The following TTBK1 variants were observed in gnomAD, a reference collection of about 807,000 sequenced individuals.
TTBK1 encodes the protein tau-tubulin kinase 1.
A neutral mutation model predicts 108.5 loss-of-function variants in TTBK1; 34 were observed. That is an observed-to-expected ratio of 0.31 (90% CI 0.24 to 0.42). TTBK1 has a LOEUF of 0.42. TTBK1 is among the 10% of genes least tolerant of loss of function. TTBK1 has a pLI of 1.00. For synonymous variants in TTBK1, 809 were observed against 795.1 expected, an observed-to-expected ratio of 1.02 and a Z score of -0.29; for missense variants, 1,539 against 1,826.0, an observed-to-expected ratio of 0.84 and a Z score of 2.86.
In TTBK1 at chr6:43,269,982, G is replaced by GT. The variant is rs1219005175; in HGVS notation, c.1986+6633dup. ...GCCCCCCCCCTCCTGGAGGGGGCAG[G>GT]TGGGGGGGGGTGGGGAGCAGGCAGA... is the stretch of plus-strand genomic sequence containing the variant. On this transcript the variant is annotated intron_variant, in intron 13 of 14. Coordinates refer to ENST00000259750, the MANE Select transcript of TTBK1 (RefSeq NM_032538.3). The surrounding 1 kb of genome is among the most constrained non-coding windows in gnomAD (Gnocchi z 4.8). 19 of 1,430,132 alleles carry GT rather than the reference G, an allele frequency of 1.3e-5. No homozygotes were observed. In the East Asian group the frequency reaches 1.5e-4, roughly 12 times the overall value. The allele number at this position is 1,430,132 out of a possible 1,614,324, so 88.6% of individuals were successfully genotyped here.
At chr6:43,245,610 C>T (rs1777064844) in intron 1 of TTBK1, among the ~76,000 whole-genome samples, 1 of 152,186 alleles carries the variant, frequency 6.6e-6, no homozygotes, top group African/African-American at 2.4e-5. Context: ...CACAGACATA[C>T]ACACACGCAC....
intron 13 of TTBK1, among the ~76,000 whole-genome samples, chr6:43,279,974 G>T (rs2150711691): frequency 7.1e-6 from 1 of 140,642 alleles, no homozygotes; most frequent in Non-Finnish European, 1.6e-5. Context: ...GGGGACCCTA[G>T]CAACCCTGTT....
intron 13 of TTBK1, among the ~76,000 whole-genome samples, chr6:43,274,879 G>A (rs1582510797): frequency 6.6e-6 from 1 of 152,122 alleles, no homozygotes; most frequent in African/African-American, 2.4e-5. Context: ...CAAATGAGGG[G>A]TGGGGAAGGG....
Position 43,249,487 on chromosome 6 carries a change from T to G in TTBK1, c.108+2719T>G, listed in dbSNP as rs191690333. Among the ~76,000 whole-genome samples, 41 of 152,306 alleles carry G rather than the reference T, an allele frequency of 2.7e-4. No individual in the cohort carries two copies. The East Asian group carries it at 7.9e-3, about 29-fold the overall frequency. ...AGTACTTAAAATTGTATTTTATGAC[T>G]GCATTGGTATAAAGAGGAATATATT... On this transcript the variant is annotated intron_variant, in intron 2 of 14. Coordinates refer to ENST00000259750, the MANE Select transcript of TTBK1 (RefSeq NM_032538.3).
intron 13 of TTBK1, among the ~76,000 whole-genome samples, chr6:43,274,287 T>C (rs200793368): frequency 6.6e-6 from 1 of 152,136 alleles, no homozygotes; most frequent in South Asian, 2.1e-4. Flanking sequence ...CCCTGCCTAG[T>C]GGGTGGGGGA....
In TTBK1 at chr6:43,257,888, C is replaced by G; in HGVS notation, c.938C>G (p.Ala313Gly). 1 of 1,614,002 alleles carries G rather than the reference C, an allele frequency of 6.2e-7. No homozygotes were observed. Among genetic ancestry groups the G allele is most frequent in the South Asian group, 1.1e-5 (1 of 91,072 alleles). ...AENEAFDWEKAGTDALLSTST... is the reference protein window; with the variant it reads ...AENEAFDWEKGGTDALLSTST... Reference sequence around the variant, plus strand: ...AATGAGGCCTTTGACTGGGAGAAGGCAGGCACCGATGCCCTCCTGTCCACG... The same window carrying G: ...AATGAGGCCTTTGACTGGGAGAAGGGAGGCACCGATGCCCTCCTGTCCACG... The change falls in exon 10 of 15, where the codon GCA becomes GGA. Residue 313 changes from alanine (A) to glycine (G), a missense_variant. Physicochemically the swap from Ala to Gly is moderately conservative, Grantham distance 60. Coordinates refer to ENST00000259750, the MANE Select transcript of TTBK1 (RefSeq NM_032538.3). This position sits in a 1 kb window ranked among gnomAD's most constrained non-coding sequence, Gnocchi z 4.5.
chr6:43,261,878 A>G (rs557028225), intron 12 of TTBK1, among the ~76,000 whole-genome samples: 20 of 152,016 alleles, frequency 1.3e-4, no homozygotes, highest in African/African-American at 4.8e-4. Context: ...CCCTTGGGGT[A>G]AAGTCAGATG....
At chr6:43,255,514 C>T in intron 7 of TTBK1, 38 bp from the exon 8 acceptor site, 5 of 1,545,494 alleles carry the variant, frequency 3.2e-6, no homozygotes, top group Non-Finnish European at 4.4e-6. Context: ...CAGGGAAGGA[C>T]CTGAGAGCTG....
At position 43,282,886 on chromosome 6, in the gene TTBK1, A is replaced by C. The variant is rs1582522586; in HGVS notation, c.2146A>C (p.Thr716Pro). 6.2e-7 allele frequency: 1 copy of C among 1,613,804 alleles called. No homozygotes were observed. Among genetic ancestry groups the C allele is most frequent in the Non-Finnish European group, 8.5e-7 (1 of 1,179,924 alleles). ...RRVGFSHMLL[T>P]TPQVPLAPVQ... The stretch of plus-strand genomic sequence containing the variant: ...GGTGGGCTTCTCGCACATGCTGCTC[A>C]CCACCCCCCAGGTCCCACTGGCTCC... Residue 716 changes from threonine (T) to proline (P), a missense_variant, in exon 14 of 15, where the codon ACC becomes CCC. Physicochemically the swap from Thr to Pro is conservative, Grantham distance 38. Coordinates refer to ENST00000259750, the MANE Select transcript of TTBK1 (RefSeq NM_032538.3). This position sits in a 1 kb window ranked among gnomAD's most constrained non-coding sequence, Gnocchi z 5.4.
chr6:43,281,511 G>A (rs1778161436), intron 13 of TTBK1, among the ~76,000 whole-genome samples: 1 of 152,198 alleles, frequency 6.6e-6, no homozygotes, highest in Non-Finnish European at 1.5e-5. Context: ...ATGGACGGCA[G>A]TGCAGAATGG....
intron 13 of TTBK1, among the ~76,000 whole-genome samples, chr6:43,274,121 T>C (rs1221498070): frequency 6.6e-6 from 1 of 152,164 alleles, no homozygotes; most frequent in African/African-American, 2.4e-5. Context: ...CCGTGACAAA[T>C]GCGCTAGTAA....
Position 43,273,211 on chromosome 6 carries a change from CAG to C in TTBK1, c.1987-9513_1987-9512del, listed in dbSNP as rs1284928829. 1.3e-5 allele frequency among the ~76,000 whole-genome samples: 2 copies of C among 152,194 alleles called. No homozygotes were observed. The highest frequency in any genetic ancestry group is 2.1e-4 in the South Asian group (1 of 4,836). On this transcript the variant is annotated intron_variant, in intron 13 of 14. Coordinates refer to ENST00000259750, the MANE Select transcript of TTBK1 (RefSeq NM_032538.3). This position sits in a 1 kb window ranked among gnomAD's most constrained non-coding sequence, Gnocchi z 4.2. ...CCGAATAATCTGAGGTCTTGTTTGA[CAG>C]AGTTTGTGAAACATCTTGGTCTATG...
Position 43,265,437 on chromosome 6 carries a change from G to C in TTBK1, c.1986+2087G>C, listed in dbSNP as rs372197835. On this transcript the variant is annotated intron_variant, in intron 13 of 14. Coordinates refer to ENST00000259750, the MANE Select transcript of TTBK1 (RefSeq NM_032538.3). This position sits in a 1 kb window ranked among gnomAD's most constrained non-coding sequence, Gnocchi z 4.1. ...GGCCTTGCCTGGACACTGGAAACTG[G>C]GGGCTCAAAAAGTGGGGCCCGTGAG... Among the ~76,000 whole-genome samples, 1 of 152,202 alleles carries C rather than the reference G, an allele frequency of 6.6e-6. No homozygotes were observed. The highest frequency in any genetic ancestry group is 1.5e-5 in the Non-Finnish European group (1 of 68,030).
rs578249848 is a variant in TTBK1 at position 43,282,827 on chromosome 6, G to A, written c.2087G>A (p.Arg696Gln). 51 of 1,614,066 alleles carry A rather than the reference G, an allele frequency of 3.2e-5. No individual in the cohort carries two copies. The Admixed American group carries it at 6.2e-4, about 20-fold the overall frequency. The part of the protein sequence containing the change: ...QDFKRDLSDY[R>Q]ERARLLNRVR... ...TTCAAAAGAGACCTCTCCGATTACC[G>A]AGAACGGGCGCGGTTGCTCAACAGG... The change falls in exon 14 of 15, where the codon CGA becomes CAA. Residue 696 changes from arginine (R) to glutamine (Q), a missense_variant. This residue lies in a region of TTBK1 where 1,055 missense variants were observed against 1,086.5 expected (regional missense o/e 0.97). Coordinates refer to ENST00000259750, the MANE Select transcript of TTBK1 (RefSeq NM_032538.3). This position sits in a 1 kb window ranked among gnomAD's most constrained non-coding sequence, Gnocchi z 5.4.
rs936426448 is a variant in TTBK1 at position 43,282,282 on chromosome 6, C to T, written c.1987-445C>T. Among the ~76,000 whole-genome samples the T allele has an allele frequency of 1.3e-5, 2 of 152,212 alleles. No individual in the cohort carries two copies. Among genetic ancestry groups the T allele is most frequent in the Non-Finnish European group, 2.9e-5 (2 of 68,040 alleles). On this transcript the variant is annotated intron_variant, in intron 13 of 14. Transcript: ENST00000259750. The surrounding 1 kb of genome is among the most constrained non-coding windows in gnomAD (Gnocchi z 5.4). ...TCCAGGAAGTGGCACAGATACTTGC[C>T]GCCGTCTCTGGACCTGGCTTTCTCA... is the stretch of plus-strand genomic sequence containing the variant.
intron 13 of TTBK1, among the ~76,000 whole-genome samples, chr6:43,264,195 A>G (rs1777619334): frequency 2.6e-5 from 4 of 152,154 alleles, no homozygotes; most frequent in African/African-American, 9.7e-5. Flanking sequence ...CAGCCTGGCC[A>G]ACATGGTGAA....
At chr6:43,249,208 G>T (rs560807306) in intron 2 of TTBK1, among the ~76,000 whole-genome samples, 2 of 152,152 alleles carry the variant, frequency 1.3e-5, no homozygotes, top group African/African-American at 4.8e-5. Flanking sequence ...AAGAGTGGAG[G>T]CTCAGAGAGT....
chr6:43,283,782 G>A lies in TTBK1; in HGVS notation c.3042G>A (p.Leu1014=). Residue 1014 remains leucine, a synonymous_variant, in exon 14 of 15, where the codon CTG becomes CTA. Transcript: ENST00000259750. The surrounding 1 kb of genome is among the most constrained non-coding windows in gnomAD (Gnocchi z 8.1). The part of the protein sequence containing the change: ...ETPSEMATNS[L]PNGPALADGP... ...CCTCAGAGATGGCCACAAACTCACT[G>A]CCCAATGGCCCGGCCCTTGCAGACG... The A allele has an allele frequency of 3.1e-6, 5 of 1,609,562 alleles. No individual in the cohort carries two copies. The highest frequency in any genetic ancestry group is 2.5e-6 in the Non-Finnish European group (3 of 1,177,944).
At chr6:43,254,780 A>G in intron 6 of TTBK1, 129 bp downstream of exon 6, 3 of 836,580 alleles carry the variant, frequency 3.6e-6, no homozygotes, top group Non-Finnish European at 5.5e-6. Context: ...AGCGCCACCC[A>G]GCTCTGGGTG....
Sources: gnomAD v4.1 joint callset for allele counts (sites outside exome capture counted in the v4.1 genomes callset) on GRCh38, gnomAD v4.1.1 for gene constraint, gnomAD v4.1.1 regional missense constraint, Gnocchi (gnomAD v3.1) non-coding constraint, MANE v1.5 for transcripts, NCBI Gene and HGNC (gene_info 2026-07-23, HGNC 2026-07-21) for gene names.